FRMPD4: variants seen among roughly 807,000 people sequenced by gnomAD.
FRMPD4 encodes FERM and PDZ domain containing 4.
In FRMPD4, 22 loss-of-function variants were observed where a neutral mutation model predicts 94.1. The ratio of observed to expected loss-of-function variants is 0.23; its 90% confidence interval spans 0.17 to 0.33. The LOEUF (loss-of-function observed/expected upper bound fraction) is 0.33. FRMPD4 is among the 10% of genes least tolerant of loss of function. FRMPD4 has a pLI of 1.00. For synonymous variants in FRMPD4, 631 were observed against 548.6 expected, an observed-to-expected ratio of 1.15 and a Z score of -2.10; for missense variants, 1,111 against 1,339.9, an observed-to-expected ratio of 0.83 and a Z score of 2.67.
intron 3 of FRMPD4, among the ~76,000 whole-genome samples, chrX:11,910,926 A>G (rs1302500538): frequency 9.5e-6 from 1 of 105,162 alleles, no homozygotes; most frequent in African/African-American, 3.7e-5. Context: ...AAGAAATGTA[A>G]CCCCTGCCCA....
At chrX:12,469,233 T>A (rs1194970391) in intron 1 of FRMPD4, among the ~76,000 whole-genome samples, 1 of 111,093 alleles carries the variant, frequency 9.0e-6, no homozygotes, top group Admixed American at 9.6e-5. Context: ...CTTCCCCTTC[T>A]CTTCTTTTTT....
At chrX:12,162,323 T>A (rs1378980362) in intron 1 of FRMPD4, among the ~76,000 whole-genome samples, 1 of 112,329 alleles carries the variant, frequency 8.9e-6, no homozygotes, top group Admixed American at 9.4e-5. Flanking sequence ...TTCCACTTTG[T>A]ACCACACAAT....
chrX:12,504,884 G>A (rs1429714279), intron 2 of FRMPD4, among the ~76,000 whole-genome samples: 4 of 112,413 alleles, frequency 3.6e-5, no homozygotes, highest in African/African-American at 1.3e-4. Context: ...TCCCTGAGTT[G>A]CTCTCCTTAT....
chrX:11,882,556 T>G (rs1258820735), intron 3 of FRMPD4, among the ~76,000 whole-genome samples: 1 of 111,829 alleles, frequency 8.9e-6, no homozygotes, highest in Non-Finnish European at 1.9e-5. Flanking sequence ...CAGGTCGCAG[T>G]AAAAACATGG....
chrX:11,922,515 G>A (rs987089623), intron 3 of FRMPD4, among the ~76,000 whole-genome samples: 2 of 111,954 alleles, frequency 1.8e-5, no homozygotes, highest in Non-Finnish European at 3.8e-5. Flanking sequence ...CTGGGCTGAA[G>A]GGAGAAAAAG....
chrX:12,722,574 G>A lies in FRMPD4; in HGVS notation c.*716G>A, dbSNP rs1157798702. On this transcript the variant is annotated 3_prime_UTR_variant, in exon 17 of 17. Coordinates refer to ENST00000675598, the MANE Select transcript of FRMPD4 (RefSeq NM_001368397.1). ...AAACTTCCCGGGGAGAAGAACAGAGGGGATGATGGGCAGTTTCCTAGGTAA... is the reference window on the plus strand; with the variant it reads ...AAACTTCCCGGGGAGAAGAACAGAGAGGATGATGGGCAGTTTCCTAGGTAA... The A allele has an allele frequency of 4.5e-5, 5 of 110,675 alleles. No individual in the cohort carries two copies. The highest frequency in any genetic ancestry group is 6.6e-5 in the African/African-American group (2 of 30,533). 9.1% of individuals were successfully genotyped at this position (110,675 alleles called of 1,213,427 possible). A position where few individuals can be genotyped will look rare whatever the true frequency, so the allele number is the denominator to read the frequency against.
intron 1 of FRMPD4, among the ~76,000 whole-genome samples, chrX:12,241,359 G>C (rs2057127655): frequency 8.9e-6 from 1 of 112,444 alleles, no homozygotes. Context: ...ATGGAAGGTA[G>C]AGAAGTGGCA....
chrX:12,192,677 G>A (rs1247868236), intron 1 of FRMPD4, among the ~76,000 whole-genome samples: 1 of 111,870 alleles, frequency 8.9e-6, no homozygotes, highest in Non-Finnish European at 1.9e-5. Flanking sequence ...AAATATTGAA[G>A]AACAGTGATT....
At chrX:12,462,113 G>C (rs1356397331) in intron 1 of FRMPD4, among the ~76,000 whole-genome samples, 3 of 111,884 alleles carry the variant, frequency 2.7e-5, no homozygotes, top group African/African-American at 9.8e-5. Flanking sequence ...TCTGTCACTT[G>C]CACTCATGTT....
chrX:12,332,621 T>C (rs764009536), intron 1 of FRMPD4, among the ~76,000 whole-genome samples: 2 of 111,745 alleles, frequency 1.8e-5, no homozygotes, highest in South Asian at 7.4e-4. Context: ...TAAATTGTAA[T>C]TTACTGCTTT....
At chrX:12,445,425 A>G (rs146733543) in intron 1 of FRMPD4, among the ~76,000 whole-genome samples, 3,948 of 112,274 alleles carry the variant, frequency 0.035, 74 homozygotes, top group Non-Finnish European at 0.055. Flanking sequence ...CCACCTGACA[A>G]AAGTTCAAAT....
At chrX:12,296,244 G>GA (rs2054770450) in intron 1 of FRMPD4, among the ~76,000 whole-genome samples, 3 of 111,489 alleles carry the variant, frequency 2.7e-5, no homozygotes, top group South Asian at 3.8e-4. Context: ...AAATTTCCCA[G>GA]AAAAAAATCA....
chrX:12,121,177 C>G (rs1485613650), intron 3 of FRMPD4, among the ~76,000 whole-genome samples: 1 of 108,771 alleles, frequency 9.2e-6, no homozygotes, highest in Non-Finnish European at 1.9e-5. Flanking sequence ...CTCATTAATG[C>G]TTGGTGGAGT....
At chrX:12,593,982 T>A (rs751595933) in intron 2 of FRMPD4, among the ~76,000 whole-genome samples, 1 of 112,210 alleles carries the variant, frequency 8.9e-6, no homozygotes, top group African/African-American at 3.2e-5. Flanking sequence ...AGAATGAGTG[T>A]CATTCAGAAC....
chrX:12,321,926 C>A (rs751105030), intron 1 of FRMPD4, among the ~76,000 whole-genome samples: 1 of 111,992 alleles, frequency 8.9e-6, no homozygotes, highest in Non-Finnish European at 1.9e-5. Flanking sequence ...AGGCACAGCA[C>A]GTTCACATCA....
chrX:12,257,704 G>A (rs996859889), intron 1 of FRMPD4, among the ~76,000 whole-genome samples: 1 of 111,371 alleles, frequency 9.0e-6, no homozygotes, highest in Non-Finnish European at 1.9e-5. Flanking sequence ...TATGTTCTGA[G>A]CCTTTTCCTC....
chrX:12,688,157 T>C (rs1420941265), intron 7 of FRMPD4, among the ~76,000 whole-genome samples: 1 of 112,059 alleles, frequency 8.9e-6, no homozygotes, highest in Non-Finnish European at 1.9e-5. Context: ...CAGGTCATAG[T>C]TGGCAGACCT....
chrX:12,113,576 C>T (rs556901211), intron 3 of FRMPD4, among the ~76,000 whole-genome samples: 13 of 111,889 alleles, frequency 1.2e-4, no homozygotes, highest in African/African-American at 4.2e-4. Flanking sequence ...TGCCTGCCTT[C>T]CTGCCTGCCT....
intron 1 of FRMPD4, among the ~76,000 whole-genome samples, chrX:12,250,048 CTG>C (rs748541779): frequency 0.36 from 27,851 of 77,114 alleles, 3,847 homozygotes; most frequent in Non-Finnish European, 0.41. Flanking sequence ...CTCTCTCTCT[CTG>C]TGTGTGTGTG....
Sources: allele counts gnomAD v4.1 joint callset (sites outside exome capture counted in the v4.1 genomes callset), GRCh38; gene constraint gnomAD v4.1.1; transcripts MANE v1.5; gene names NCBI Gene and HGNC (gene_info 2026-07-23, HGNC 2026-07-21).